Variants in SH3RF2 observed in about 807,000 individuals in gnomAD.
The protein encoded by SH3RF2 is SH3 domain containing ring finger 2.
In SH3RF2, 43 loss-of-function variants were observed where a neutral mutation model predicts 59.0. That is an observed-to-expected ratio of 0.73 (90% CI 0.57 to 0.94). SH3RF2 has a LOEUF of 0.94. Among genes scored for constraint, SH3RF2 ranks in the 40% least tolerant of loss-of-function variants. The probability of loss-of-function intolerance (pLI) is 0.00; values close to 1 mark genes in which losing one functional copy is unlikely to be tolerated. For synonymous variants in SH3RF2, 391 were observed against 391.5 expected (o/e 1.00, Z 0.01); for missense variants, 930 against 940.1 (o/e 0.99, Z 0.14).
rs566913600 is a variant in SH3RF2 at position 146,050,401 on chromosome 5, T to C, written c.1322+1156T>C. Among the ~76,000 whole-genome samples, 3 of 152,342 alleles carry C rather than the reference T, an allele frequency of 2.0e-5. No homozygotes were observed. The South Asian group carries it at 6.2e-4, about 32-fold the overall frequency. ...CTAGCTGGTGAGGTGGTGGACTCTCTTTTTAGAAAGAGTGCAGGCAAAGTC... is the reference window on the plus strand; with the variant it reads ...CTAGCTGGTGAGGTGGTGGACTCTCCTTTTAGAAAGAGTGCAGGCAAAGTC... On this transcript the variant is annotated intron_variant, in intron 7 of 9. Transcript: ENST00000359120.
intron 5 of SH3RF2, among the ~76,000 whole-genome samples, chr5:146,031,172 T>C (rs1397403638): frequency 1.3e-5 from 2 of 152,188 alleles, no homozygotes; most frequent in African/African-American, 2.4e-5. Flanking sequence ...TTCCAAACAA[T>C]TGACATATGC....
chr5:145,976,207 G>A (rs528430420), intron 2 of SH3RF2, among the ~76,000 whole-genome samples: 72 of 152,178 alleles, frequency 4.7e-4, no homozygotes, highest in African/African-American at 1.6e-3. Context: ...GCCAGGATTC[G>A]CCCTCAGACC....
At chr5:146,001,158 C>T (rs1267727177) in intron 3 of SH3RF2, among the ~76,000 whole-genome samples, 1 of 152,146 alleles carries the variant, frequency 6.6e-6, no homozygotes, top group Non-Finnish European at 1.5e-5. Flanking sequence ...CCACCATTTG[C>T]AATTAATGAC....
chr5:145,975,172 A>C (rs1759239891), intron 2 of SH3RF2, among the ~76,000 whole-genome samples: 1 of 152,194 alleles, frequency 6.6e-6, no homozygotes, highest in African/African-American at 2.4e-5. Flanking sequence ...TTTGTTTTTC[A>C]TGGCTCGTTT....
intron 2 of SH3RF2, among the ~76,000 whole-genome samples, chr5:145,996,800 T>C (rs1355555729): frequency 6.6e-6 from 1 of 152,206 alleles, no homozygotes; most frequent in East Asian, 1.9e-4. Flanking sequence ...TCAGGTAATC[T>C]GAGTTCATGT....
chr5:146,022,348 C>T (rs945937112), intron 5 of SH3RF2, among the ~76,000 whole-genome samples: 3 of 152,160 alleles, frequency 2.0e-5, no homozygotes, highest in African/African-American at 7.2e-5. Context: ...GTTGGGACTA[C>T]AGGTGGGCAC....
At position 145,984,393 on chromosome 5, in the gene SH3RF2, C is replaced by T. The variant is rs575536342; in HGVS notation, c.379-15665C>T. On this transcript the variant is annotated intron_variant, in intron 2 of 9. Coordinates refer to ENST00000359120, the MANE Select transcript of SH3RF2 (RefSeq NM_152550.4). ...GCTTTGGGGAAGGAGATAGGAAAGG[C>T]TTTCTGAAGATAAAGATACAAAAGA... Among the ~76,000 whole-genome samples, 4 of 152,274 alleles carry T rather than the reference C, an allele frequency of 2.6e-5. No homozygotes were observed. The East Asian group carries it at 5.8e-4, about 22-fold the overall frequency.
rs1760364514 is a variant in SH3RF2, at chr5:146,000,437, A to G, written c.648+110A>G. ...TTTTAAAAAATTGTATTTTAAATAT[A>G]TTATATTATTGTTAATATTTTATTC... On this transcript the variant is annotated intron_variant, in intron 3 of 9. Coordinates refer to ENST00000359120, the MANE Select transcript of SH3RF2 (RefSeq NM_152550.4). 3.4e-6 allele frequency: 3 copies of G among 889,058 alleles called. No homozygotes were observed. In the South Asian group the frequency reaches 9.7e-5, roughly 29 times the overall value. 55.1% of individuals were successfully genotyped at this position (889,058 alleles called of 1,614,324 possible). A position where few individuals can be genotyped will look rare whatever the true frequency, so the allele number is the denominator to read the frequency against.
At chr5:146,020,503 A>G (rs1255294603) in intron 5 of SH3RF2, among the ~76,000 whole-genome samples, 2 of 152,058 alleles carry the variant, frequency 1.3e-5, no homozygotes, top group Non-Finnish European at 2.9e-5. Context: ...TCCATACCCC[A>G]AGGCCCTGTA....
At chr5:145,972,090 CA>C (rs1759105886) in intron 2 of SH3RF2, among the ~76,000 whole-genome samples, 1 of 151,934 alleles carries the variant, frequency 6.6e-6, no homozygotes, top group Non-Finnish European at 1.5e-5. Context: ...TTTTTCTCTT[CA>C]AAAAATATGC....
chr5:146,058,720 G>A (rs1395231980), intron 8 of SH3RF2, among the ~76,000 whole-genome samples: 2 of 152,028 alleles, frequency 1.3e-5, no homozygotes, highest in Non-Finnish European at 2.9e-5. Context: ...TGTTTCTCAT[G>A]GGTGTCTCCT....
chr5:146,003,112 C>T (rs1033230501), intron 3 of SH3RF2, among the ~76,000 whole-genome samples: 7 of 152,146 alleles, frequency 4.6e-5, no homozygotes, highest in Non-Finnish European at 8.8e-5. Context: ...ACAGGTTGAA[C>T]TTGATGAATG....
intron 5 of SH3RF2, among the ~76,000 whole-genome samples, chr5:146,024,665 A>G (rs1761462438): frequency 6.6e-6 from 1 of 152,092 alleles, no homozygotes; most frequent in Non-Finnish European, 1.5e-5. Context: ...ATTTTTTTCT[A>G]AGAGCTTACA....
chr5:145,948,228 T>C (rs1316912640), intron 2 of SH3RF2, among the ~76,000 whole-genome samples: 2 of 152,126 alleles, frequency 1.3e-5, no homozygotes, highest in Non-Finnish European at 1.5e-5. Context: ...TAAAACAAAA[T>C]AGGAAAATAT....
At position 146,011,709 on chromosome 5, in the gene SH3RF2, G is replaced by A. The variant is rs1219918336; in HGVS notation, c.745-2038G>A. Among the ~76,000 whole-genome samples the A allele has an allele frequency of 2.0e-5, 3 of 152,290 alleles. No individual in the cohort carries two copies. The South Asian group carries it at 6.2e-4, about 32-fold the overall frequency. The stretch of plus-strand genomic sequence containing the variant: ...CTGTTATTGGTGTTTAAGAATGCTT[G>A]TGATTTTTGCACATTGATTTTGTAT... On this transcript the variant is annotated intron_variant, in intron 4 of 9. Transcript: ENST00000359120.
At chr5:145,995,595 T>C (rs1172485262) in intron 2 of SH3RF2, among the ~76,000 whole-genome samples, 1 of 152,202 alleles carries the variant, frequency 6.6e-6, no homozygotes, top group Non-Finnish European at 1.5e-5. Context: ...ACCAACTTCA[T>C]TCATTTTCTA....
At chr5:146,077,197 A>T (rs914103424) in intron 9 of SH3RF2, among the ~76,000 whole-genome samples, 3 of 152,118 alleles carry the variant, frequency 2.0e-5, no homozygotes, top group Admixed American at 6.5e-5. Flanking sequence ...CCCTCCCCTC[A>T]CAAGGGGCTG....
chr5:145,963,459 A>G (rs554024992), intron 2 of SH3RF2, among the ~76,000 whole-genome samples: 1 of 152,322 alleles, frequency 6.6e-6, no homozygotes, highest in South Asian at 2.1e-4. Context: ...AATAACAGTA[A>G]CAAAACCTTC....
At position 146,013,097 on chromosome 5, in the gene SH3RF2, T is replaced by C. The variant is rs571189601; in HGVS notation, c.745-650T>C. ...TAAAAGTCAGTCTTAGCATAAGGAT[T>C]CAGGGTCCTGAATGCACTACATTCT... On this transcript the variant is annotated intron_variant, in intron 4 of 9. Coordinates refer to ENST00000359120, the MANE Select transcript of SH3RF2 (RefSeq NM_152550.4). Among the ~76,000 whole-genome samples, 5 of 152,314 alleles carry C rather than the reference T, an allele frequency of 3.3e-5. No individual in the cohort carries two copies. In the South Asian group the frequency reaches 1.0e-3, roughly 32 times the overall value.
Sources: gnomAD v4.1 joint callset for allele counts (sites outside exome capture counted in the v4.1 genomes callset) on GRCh38, gnomAD v4.1.1 for gene constraint, MANE v1.5 for transcripts, NCBI Gene and HGNC (gene_info 2026-07-23, HGNC 2026-07-21) for gene names.